ITFG1: variants seen among roughly 807,000 people sequenced by gnomAD.
ITFG1 encodes the protein integrin alpha FG-GAP repeat containing 1.
Under a neutral mutation model 81.8 loss-of-function variants are expected in ITFG1, and 34 were observed. That is an observed-to-expected ratio of 0.42 (90% CI 0.32 to 0.55). The LOEUF is 0.55. Ranked by LOEUF, ITFG1 falls within the 20% of genes least tolerant of loss-of-function variation. The pLI is 0.17. For synonymous variants in ITFG1, 285 were observed against 270.6 expected, an observed-to-expected ratio of 1.05 and a Z score of -0.52; for missense variants, 672 against 755.4, an observed-to-expected ratio of 0.89 and a Z score of 1.29.
chr16:47,334,901 A>G (rs1221749723), intron 8 of ITFG1, among the ~76,000 whole-genome samples: 1 of 152,240 alleles, frequency 6.6e-6, no homozygotes, highest in Non-Finnish European at 1.5e-5. Context: ...ACAGACTTAC[A>G]GAGCTAAAAT....
Position 47,454,091 on chromosome 16 carries a change from G to A in ITFG1, c.349C>T (p.Leu117Phe). Reference sequence around the variant, plus strand: ...TAATTTTTGGGAAGATATGTCAGAAGGACATCCATTTGAGAATCTCCATCA... The same window carrying A: ...TAATTTTTGGGAAGATATGTCAGAAAGACATCCATTTGAGAATCTCCATCA... ...DYDGDSQMDVLLTYLPKNYAK... is the reference protein window; with the variant it reads ...DYDGDSQMDVFLTYLPKNYAK... The change falls in exon 3 of 18, where the codon CTT (leucine) becomes TTT (phenylalanine). Residue 117 changes from leucine to phenylalanine, a missense_variant. Coordinates refer to ENST00000320640, the MANE Select transcript of ITFG1 (RefSeq NM_030790.5). 6.2e-7 allele frequency: 1 copy of A among 1,605,040 alleles called. No individual in the cohort carries two copies. Among genetic ancestry groups the A allele is most frequent in the Non-Finnish European group, 8.5e-7 (1 of 1,172,054 alleles).
intron 6 of ITFG1, among the ~76,000 whole-genome samples, chr16:47,415,754 A>G (rs1968865732): frequency 1.3e-5 from 2 of 152,272 alleles, no homozygotes; most frequent in South Asian, 4.1e-4. Flanking sequence ...GAGAGAAATA[A>G]GCACTCTCAT....
rs1567437630 is a variant in ITFG1 at position 47,257,341 on chromosome 16, T to G, written c.1330+1291A>C. ...TAAATTTCATTTCCATACACTAAAA[T>G]ATGTGGAAGCAAAACTTAAAAACAC... On this transcript the variant is annotated intron_variant, in intron 12 of 17. Coordinates refer to ENST00000320640, the MANE Select transcript of ITFG1 (RefSeq NM_030790.5). Among the ~76,000 whole-genome samples, 4 of 152,194 alleles carry G rather than the reference T, an allele frequency of 2.6e-5. No homozygotes were observed. The South Asian group carries it at 8.3e-4, about 32-fold the overall frequency.
chr16:47,371,465 A>C (rs1259062539), intron 7 of ITFG1, among the ~76,000 whole-genome samples: 1 of 152,192 alleles, frequency 6.6e-6, no homozygotes, highest in East Asian at 1.9e-4. Flanking sequence ...GTTGACAGGA[A>C]GACTTTCTGC....
At chr16:47,164,613 A>G (rs1252151451) in intron 14 of ITFG1, among the ~76,000 whole-genome samples, 1 of 152,256 alleles carries the variant, frequency 6.6e-6, no homozygotes, top group Non-Finnish European at 1.5e-5. Context: ...AATTCCTCTT[A>G]TATTTTGATC....
intron 5 of ITFG1, chr16:47,448,399 G>T (rs1000342582): frequency 6.6e-6 from 1 of 152,026 alleles, no homozygotes; most frequent in African/African-American, 2.4e-5. Context: ...TTTTGATAAT[G>T]GAGGGGCAAA....
intron 14 of ITFG1, among the ~76,000 whole-genome samples, chr16:47,212,099 A>C (rs1199814826): frequency 6.6e-6 from 1 of 151,938 alleles, no homozygotes; most frequent in African/African-American, 2.4e-5. Flanking sequence ...CATGAGGACT[A>C]TCTGTCTACA....
chr16:47,422,485 T>C (rs1410584669), intron 6 of ITFG1, among the ~76,000 whole-genome samples: 1 of 152,218 alleles, frequency 6.6e-6, no homozygotes, highest in Admixed American at 6.5e-5. Context: ...GGCTTTGGTA[T>C]CAGGATGATG....
At chr16:47,203,221 C>G (rs1965449096) in intron 14 of ITFG1, among the ~76,000 whole-genome samples, 2 of 152,076 alleles carry the variant, frequency 1.3e-5, no homozygotes. Context: ...GGACTTTATG[C>G]TAAGTGAAAT....
intron 2 of ITFG1, among the ~76,000 whole-genome samples, chr16:47,455,526 G>GT (rs1330114098): frequency 2.0e-5 from 3 of 151,944 alleles, no homozygotes; most frequent in Non-Finnish European, 2.9e-5. Flanking sequence ...ACTTTGGGAG[G>GT]TGGAGGTGGA....
At chr16:47,227,183 C>T (rs1053456323) in intron 13 of ITFG1, among the ~76,000 whole-genome samples, 2 of 152,134 alleles carry the variant, frequency 1.3e-5, no homozygotes, top group Non-Finnish European at 2.9e-5. Flanking sequence ...TCTTCACTTA[C>T]CTCCATATGA....
At chr16:47,163,928 CACACACACACACACACACACACACAT>C (rs1003920070) in intron 14 of ITFG1, among the ~76,000 whole-genome samples, 5 of 147,078 alleles carry the variant, frequency 3.4e-5, no homozygotes, top group Non-Finnish European at 7.4e-5. Flanking sequence ...CACACACACA[CACACACACACACACACACACACACAT>C]ACACACACAC....
chr16:47,179,640 A>T lies in ITFG1; in HGVS notation c.1454-16976T>A, dbSNP rs530520338. Among the ~76,000 whole-genome samples the T allele has an allele frequency of 2.9e-3, 347 of 120,346 alleles. 1 individual carries two copies. The highest frequency in any genetic ancestry group is 0.017 in the African/African-American group (329 of 19,028). 79.0% of individuals were successfully genotyped at this position (120,346 alleles called of 152,430 possible). A position where few individuals can be genotyped will look rare whatever the true frequency, so the allele number is the denominator to read the frequency against. ...TACCTTCATAAAGTTGTTTTTATTTAAAAAAAAAGAAATAAGCTGTCTTCA... is the reference window on the plus strand; with the variant it reads ...TACCTTCATAAAGTTGTTTTTATTTTAAAAAAAAGAAATAAGCTGTCTTCA... On this transcript the variant is annotated intron_variant, in intron 14 of 17. Coordinates refer to ENST00000320640, the MANE Select transcript of ITFG1 (RefSeq NM_030790.5).
At chr16:47,372,136 T>A (rs1028484574) in intron 7 of ITFG1, among the ~76,000 whole-genome samples, 2 of 151,968 alleles carry the variant, frequency 1.3e-5, no homozygotes, top group African/African-American at 4.8e-5. Flanking sequence ...TGGTCTCTGG[T>A]TTTGCCATTC....
intron 6 of ITFG1, among the ~76,000 whole-genome samples, chr16:47,400,581 G>A (rs1347364136): frequency 6.6e-6 from 1 of 152,000 alleles, no homozygotes; most frequent in Non-Finnish European, 1.5e-5. Flanking sequence ...ATTCTACTAG[G>A]GTACAAAGAC....
intron 6 of ITFG1, among the ~76,000 whole-genome samples, chr16:47,421,050 A>G (rs564103416): frequency 6.6e-6 from 1 of 152,120 alleles, no homozygotes; most frequent in African/African-American, 2.4e-5. Flanking sequence ...TTCATCGAAT[A>G]TAAGTATAAG....
intron 14 of ITFG1, among the ~76,000 whole-genome samples, chr16:47,169,505 T>C (rs1217933162): frequency 6.6e-6 from 1 of 152,162 alleles, no homozygotes; most frequent in East Asian, 1.9e-4. Flanking sequence ...TGCTGGTATA[T>C]GGAAACAACT....
intron 10 of ITFG1, among the ~76,000 whole-genome samples, chr16:47,307,784 T>G (rs1419903398): frequency 1.3e-5 from 2 of 152,196 alleles, no homozygotes; most frequent in African/African-American, 2.4e-5. Flanking sequence ...TTTTCAACTC[T>G]TGATCTCCTT....
At chr16:47,338,412 A>G (rs1287267030) in intron 8 of ITFG1, among the ~76,000 whole-genome samples, 2 of 152,074 alleles carry the variant, frequency 1.3e-5, no homozygotes, top group African/African-American at 4.8e-5. Context: ...CCTTCTCAAA[A>G]CCAAACAAAC....
Sources: gnomAD v4.1 joint callset for allele counts (sites outside exome capture counted in the v4.1 genomes callset) on GRCh38, gnomAD v4.1.1 for gene constraint, MANE v1.5 for transcripts, NCBI Gene and HGNC (gene_info 2026-07-23, HGNC 2026-07-21) for gene names.